Variants in ARID1B observed in about 807,000 individuals in gnomAD.
ARID1B encodes the protein AT-rich interaction domain 1B.
ARID1B carries 30 observed loss-of-function variants against 212.3 expected under a neutral mutation model. The ratio of observed to expected loss-of-function variants is 0.14; its 90% CI spans 0.11 to 0.19. The LOEUF is 0.19. ARID1B is among the 10% of genes least tolerant of loss of function. The pLI, the probability that ARID1B is intolerant of heterozygous loss-of-function variation, is 1.00. For synonymous variants in ARID1B, 1,402 were observed against 1,301.7 expected (o/e 1.08, Z -1.66); for missense variants, 2,891 against 3,204.0 (o/e 0.90, Z 2.36).
chr6:156,833,023 A>G (rs538049457), intron 2 of ARID1B, among the ~76,000 whole-genome samples: 2 of 152,296 alleles, frequency 1.3e-5, no homozygotes, highest in South Asian at 4.1e-4. Context: ...AAACTAGTCT[A>G]CTTGGGTTTT....
intron 4 of ARID1B, among the ~76,000 whole-genome samples, chr6:157,038,208 A>G (rs1055668457): frequency 6.6e-6 from 1 of 152,174 alleles, no homozygotes; most frequent in African/African-American, 2.4e-5. Flanking sequence ...AGGTGCCATC[A>G]GTTACTTCGG....
At position 156,778,844 on chromosome 6, in the gene ARID1B, C is replaced by A; in HGVS notation, c.1164C>A (p.Gly388=). The change falls in exon 1 of 20, where the codon GGC becomes GGA. Residue 388 remains glycine (G), a synonymous_variant. Coordinates refer to ENST00000636930, the MANE Select transcript of ARID1B (RefSeq NM_001374828.1). The part of the protein sequence containing the change: ...CNHYPGYSRP[G]AGGGGGGGGG... ...ATTATCCGGGCTACAGCCGGCCCGG[C>A]GCGGGCGGCGGCGGCGGCGGCGGCG... The A allele has an allele frequency of 7.1e-7, 1 of 1,416,930 alleles. No homozygotes were observed. The highest frequency in any genetic ancestry group is 9.2e-7 in the Non-Finnish European group (1 of 1,082,840). 87.8% of individuals were successfully genotyped at this position (1,416,930 alleles called of 1,614,324 possible). A position where few individuals can be genotyped will look rare whatever the true frequency, so the allele number is the denominator to read the frequency against.
At chr6:156,982,220 A>G (rs1777648712) in intron 4 of ARID1B, among the ~76,000 whole-genome samples, 1 of 152,202 alleles carries the variant, frequency 6.6e-6, no homozygotes, top group East Asian at 1.9e-4. Flanking sequence ...TTGACTACAT[A>G]TAGCAATCCT....
chr6:156,833,071 T>G (rs1583125980), intron 2 of ARID1B, among the ~76,000 whole-genome samples: 2 of 152,200 alleles, frequency 1.3e-5, no homozygotes, highest in East Asian at 1.9e-4. Flanking sequence ...TCTATGCCTC[T>G]GTGGAGAATA....
At chr6:157,092,602 T>C (rs972917713) in intron 5 of ARID1B, among the ~76,000 whole-genome samples, 3 of 152,224 alleles carry the variant, frequency 2.0e-5, no homozygotes, top group African/African-American at 7.2e-5. Flanking sequence ...TCCAGCAAAC[T>C]TCAAATTAAG....
At chr6:157,082,231 G>C (rs1300965572) in intron 4 of ARID1B, among the ~76,000 whole-genome samples, 1 of 152,158 alleles carries the variant, frequency 6.6e-6, no homozygotes, top group Non-Finnish European at 1.5e-5. Flanking sequence ...CCTAATTCCT[G>C]TTTTTCCCCC....
In ARID1B at chr6:156,871,295, A is replaced by C. The variant is rs959568070; in HGVS notation, c.1987-30081A>C. Among the ~76,000 whole-genome samples, 7 of 152,238 alleles carry C rather than the reference A, an allele frequency of 4.6e-5. 1 individual carries two copies. Among genetic ancestry groups the C allele is most frequent in the Non-Finnish European group, 8.8e-5 (6 of 68,046 alleles). On this transcript the variant is annotated intron_variant, in intron 2 of 19. Transcript: ENST00000636930. ...CCTCCTAGCTAGTACAGTGCCTGGC[A>C]TCCAGTAGGTGATGGACAAATAAAT...
intron 4 of ARID1B, among the ~76,000 whole-genome samples, chr6:156,958,664 C>T (rs1794138531): frequency 6.6e-6 from 1 of 152,126 alleles, no homozygotes; most frequent in Admixed American, 6.5e-5. Context: ...TTTGAATAAT[C>T]ATTATTTTTA....
chr6:157,048,883 C>G (rs1782410025), intron 4 of ARID1B, among the ~76,000 whole-genome samples: 1 of 152,102 alleles, frequency 6.6e-6, no homozygotes, highest in Non-Finnish European at 1.5e-5. Context: ...CCAAGACTTG[C>G]TACCTTAAGG....
intron 2 of ARID1B, among the ~76,000 whole-genome samples, chr6:156,892,416 C>G (rs1430780508): frequency 6.6e-6 from 1 of 152,042 alleles, no homozygotes; most frequent in African/African-American, 2.4e-5. Flanking sequence ...AAATTTACAT[C>G]TAGGTCTAAA....
chr6:157,050,756 CTT>C (rs1782547217), intron 4 of ARID1B, among the ~76,000 whole-genome samples: 1 of 152,100 alleles, frequency 6.6e-6, no homozygotes, highest in Admixed American at 6.5e-5. Flanking sequence ...CATAAAATGA[CTT>C]TTTTGTTTCC....
Position 157,167,033 on chromosome 6 carries a change from C to A in ARID1B, c.3090-7C>A. The A allele has an allele frequency of 6.2e-7, 1 of 1,609,826 alleles. No homozygotes were observed. Among genetic ancestry groups the A allele is most frequent in the South Asian group, 1.1e-5 (1 of 91,064 alleles). On this transcript the variant is annotated splice_region_variant and splice_polypyrimidine_tract_variant and intron_variant, in intron 8 of 19. Transcript: ENST00000636930. ...GTATATGTGTGCTGTGCTTTCTCTT[C>A]CTGTAGGCAAGGCAGTTTCCCCGGC...
intron 15 of ARID1B, among the ~76,000 whole-genome samples, chr6:157,192,699 C>G (rs1163619444): frequency 1.3e-5 from 2 of 152,174 alleles, no homozygotes; most frequent in Non-Finnish European, 1.5e-5. Context: ...TAAATGATCC[C>G]CGGTGGCAAG....
intron 2 of ARID1B, among the ~76,000 whole-genome samples, chr6:156,847,877 C>T (rs1004651587): frequency 6.6e-6 from 1 of 152,154 alleles, no homozygotes; most frequent in Non-Finnish European, 1.5e-5. Context: ...ACTCGACCTC[C>T]TCCCTGGAAG....
Position 156,838,709 on chromosome 6 carries a change from T to TATAATAATAATAATAATAATAATA in ARID1B, c.1986+9290_1986+9313dup, listed in dbSNP as rs35310749. 1.2e-3 allele frequency among the ~76,000 whole-genome samples: 168 copies of TATAATAATAATAATAATAATAATA among 145,858 alleles called. 1 individual carries two copies. Among genetic ancestry groups the TATAATAATAATAATAATAATAATA allele is most frequent in the South Asian group, 4.5e-3 (20 of 4,494 alleles). ...TACACAGGTACCCTAGAACTTAAAG[T>TATAATAATAATAATAATAATAATA]ATAATAATAATAATAATAATAATAA... On this transcript the variant is annotated intron_variant, in intron 2 of 19. Coordinates refer to ENST00000636930, the MANE Select transcript of ARID1B (RefSeq NM_001374828.1).
intron 2 of ARID1B, among the ~76,000 whole-genome samples, chr6:156,863,596 A>G (rs1420271010): frequency 6.6e-6 from 1 of 152,216 alleles, no homozygotes; most frequent in African/African-American, 2.4e-5. Flanking sequence ...AACAACATAT[A>G]TATCAAACTC....
chr6:157,092,740 T>C (rs1464088289), intron 5 of ARID1B, among the ~76,000 whole-genome samples: 1 of 152,236 alleles, frequency 6.6e-6, no homozygotes, highest in Non-Finnish European at 1.5e-5. Context: ...GTTTAAATTA[T>C]CCTGTCAATT....
intron 1 of ARID1B, among the ~76,000 whole-genome samples, chr6:156,802,939 AAAAC>A (rs1396459924): frequency 2.0e-5 from 3 of 152,230 alleles, no homozygotes; most frequent in African/African-American, 4.8e-5. Flanking sequence ...ACAAATATGA[AAAAC>A]AATTAAAGCG....
chr6:157,124,599 T>C (rs1788008619), intron 6 of ARID1B, among the ~76,000 whole-genome samples: 1 of 152,314 alleles, frequency 6.6e-6, no homozygotes, highest in South Asian at 2.1e-4. Context: ...CATCTTGTTT[T>C]TTAAGCTATG....
Sources: gnomAD v4.1 joint callset for allele counts (sites outside exome capture counted in the v4.1 genomes callset) on GRCh38, gnomAD v4.1.1 for gene constraint, MANE v1.5 for transcripts, NCBI Gene and HGNC (gene_info 2026-07-23, HGNC 2026-07-21) for gene names.